The following NRXN1 variants were observed in gnomAD, a reference collection of about 807,000 sequenced individuals.
NRXN1 encodes neurexin-1.
A neutral mutation model predicts 150.9 loss-of-function variants in NRXN1; 39 were observed. The ratio of observed to expected loss-of-function variants is 0.26; its 90% CI spans 0.20 to 0.34. The LOEUF (loss-of-function observed/expected upper bound fraction) is 0.34, where lower values mean the gene tolerates loss of function less well. Among genes scored for constraint, NRXN1 ranks in the 10% least tolerant of loss-of-function variants. The pLI is 1.00. For missense variants in NRXN1, 1,815 were observed against 1,949.9 expected (o/e 0.93, Z 1.30); for synonymous variants, 924 against 757.0 (o/e 1.22, Z -3.62).
intron 5 of NRXN1, among the ~76,000 whole-genome samples, chr2:50,707,688 C>T (rs116016217): frequency 0.047 from 7,164 of 152,202 alleles, 222 homozygotes; most frequent in Admixed American, 0.075. Flanking sequence ...CAGCATCATT[C>T]ATTTAGAACA....
chr2:50,739,965 T>A (rs2105264121), intron 5 of NRXN1, among the ~76,000 whole-genome samples: 1 of 152,350 alleles, frequency 6.6e-6, no homozygotes, highest in East Asian at 1.9e-4. Context: ...GCATAAGCAC[T>A]GTCATCAGTT....
intron 8 of NRXN1, among the ~76,000 whole-genome samples, chr2:50,613,773 C>A (rs1401707588): frequency 6.6e-6 from 1 of 152,084 alleles, no homozygotes; most frequent in Non-Finnish European, 1.5e-5. Context: ...CCTGTCTCTA[C>A]TAAAAATACA....
intron 21 of NRXN1, among the ~76,000 whole-genome samples, chr2:49,984,299 A>ACATATTTT (rs1680529292): frequency 1.3e-5 from 2 of 152,238 alleles, no homozygotes; most frequent in African/African-American, 4.8e-5. Flanking sequence ...ACCAGAATTC[A>ACATATTTT]CATATTTTAA....
At chr2:50,312,901 T>C (rs1484138569) in intron 17 of NRXN1, 7 of 436,594 alleles carry the variant, frequency 1.6e-5, no homozygotes, top group Admixed American at 1.5e-4. Flanking sequence ...AAGCAACTTG[T>C]TAGGGCATGC....
chr2:50,974,617 A>G (rs574325217), intron 2 of NRXN1, among the ~76,000 whole-genome samples: 1 of 152,112 alleles, frequency 6.6e-6, no homozygotes, highest in African/African-American at 2.4e-5. Context: ...AGCTCTTTAT[A>G]TTTGTGGCAT....
At chr2:50,757,299 T>C (rs1701254625) in intron 5 of NRXN1, among the ~76,000 whole-genome samples, 1 of 151,472 alleles carries the variant, frequency 6.6e-6, no homozygotes, top group African/African-American at 2.4e-5. Context: ...GAGTGAGGCA[T>C]GTGCAAGAGA....
intron 2 of NRXN1, among the ~76,000 whole-genome samples, chr2:50,941,332 T>C (rs1039418168): frequency 5.3e-5 from 8 of 152,062 alleles, no homozygotes; most frequent in Admixed American, 1.3e-4. Context: ...TACCCGAAAA[T>C]GTAGAAGCAA....
At chr2:50,974,963 C>A (rs1695591293) in intron 2 of NRXN1, among the ~76,000 whole-genome samples, 1 of 152,016 alleles carries the variant, frequency 6.6e-6, no homozygotes, top group Admixed American at 6.6e-5. Flanking sequence ...CCATGAGCCA[C>A]TGAATTAATT....
At chr2:50,715,172 G>A (rs1446304373) in intron 5 of NRXN1, among the ~76,000 whole-genome samples, 2 of 152,072 alleles carry the variant, frequency 1.3e-5, no homozygotes, top group Admixed American at 6.6e-5. Context: ...AGCCAGAAAT[G>A]AGTTTATTTT....
intron 18 of NRXN1, among the ~76,000 whole-genome samples, chr2:50,229,978 T>C (rs1164135147): frequency 6.6e-6 from 1 of 152,008 alleles, no homozygotes; most frequent in Non-Finnish European, 1.5e-5. Context: ...AGCCATTCTA[T>C]AAAATAGCTT....
chr2:50,498,074 G>A (rs1002864652), intron 13 of NRXN1, among the ~76,000 whole-genome samples: 2 of 152,096 alleles, frequency 1.3e-5, no homozygotes, highest in African/African-American at 2.4e-5. Context: ...ACAGAGAGAC[G>A]CATTAGGAGC....
Position 50,141,856 on chromosome 2 carries a change from A to T in NRXN1, c.3547-50362T>A, listed in dbSNP as rs190232029. Among the ~76,000 whole-genome samples, 403 of 152,122 alleles carry T rather than the reference A, an allele frequency of 2.6e-3. 3 individuals are homozygous for T. Among genetic ancestry groups the T allele is most frequent in the African/African-American group, 9.5e-3 (393 of 41,536 alleles). ...CAATTCTTACACATTGTTGGTGGGG[A>T]TGTAAATTAGTACAGCCATTATGGA... On this transcript the variant is annotated intron_variant, in intron 18 of 22. Coordinates refer to ENST00000401669, the MANE Select transcript of NRXN1 (RefSeq NM_001330078.2).
chr2:49,947,989 C>T (rs909566128), intron 21 of NRXN1, among the ~76,000 whole-genome samples: 9 of 151,752 alleles, frequency 5.9e-5, no homozygotes, highest in Admixed American at 1.3e-4. Context: ...GATATTAAAC[C>T]GAAACTTGTA....
At position 49,922,095 on chromosome 2, in the gene NRXN1, C is replaced by G. The variant is rs763582196; in HGVS notation, c.4373G>C (p.Arg1458Pro). The G allele has an allele frequency of 6.2e-7, 1 of 1,614,104 alleles. No homozygotes were observed. Among genetic ancestry groups the G allele is most frequent in the Non-Finnish European group, 8.5e-7 (1 of 1,180,026 alleles). Residue 1458 changes from arginine (R) to proline (P), a missense_variant, in exon 23 of 23, where the codon CGG becomes CCG. Transcript: ENST00000401669. ...LLYAMYKYRN[R>P]DEGSYHVDES... ...GTCCACATGGTATGAGCCTTCATCC[C>G]GGTTTCTGTACTTGTACATGGCATA...
chr2:50,202,783 GTA>G (rs2062274710), intron 18 of NRXN1, among the ~76,000 whole-genome samples: 1 of 152,110 alleles, frequency 6.6e-6, no homozygotes, highest in African/African-American at 2.4e-5. Context: ...AACATCATTG[GTA>G]GCAAGTGAGA....
chr2:50,518,996 G>A (rs1458543851), intron 12 of NRXN1, among the ~76,000 whole-genome samples: 1 of 151,714 alleles, frequency 6.6e-6, no homozygotes, highest in Non-Finnish European at 1.5e-5. Context: ...ATAATGCGTA[G>A]AAATCTATTT....
intron 9 of NRXN1, among the ~76,000 whole-genome samples, chr2:50,549,656 T>G (rs1342209583): frequency 6.6e-6 from 1 of 152,196 alleles, no homozygotes; most frequent in East Asian, 1.9e-4. Flanking sequence ...TCATCTAATT[T>G]TGACCTTCTC....
chr2:49,942,601 T>C, intron 22 of NRXN1, among the ~76,000 whole-genome samples: 1 of 141,046 alleles, frequency 7.1e-6, no homozygotes, highest in East Asian at 2.2e-4. Context: ...ATTATTATTA[T>C]TATTATTATT....
rs927847491 is a variant in NRXN1 at position 50,796,807 on chromosome 2, G to T, written c.832+125062C>A. Among the ~76,000 whole-genome samples, 6 of 152,098 alleles carry T rather than the reference G, an allele frequency of 3.9e-5. No individual in the cohort carries two copies. The East Asian group carries it at 9.6e-4, about 24-fold the overall frequency. On this transcript the variant is annotated intron_variant, in intron 5 of 22. Transcript: ENST00000401669. ...TTTTTTAGTATTTTAGTCCATTTGG[G>T]CTGCTACAGCAAAACACCTTCAGTT...
Sources: gnomAD v4.1 joint callset for allele counts (sites outside exome capture counted in the v4.1 genomes callset) on GRCh38, gnomAD v4.1.1 for gene constraint, MANE v1.5 for transcripts, NCBI Gene and HGNC (gene_info 2026-07-23, HGNC 2026-07-21) for gene names.